KAZN: variants seen among roughly 807,000 people sequenced by gnomAD.
KAZN encodes the protein kazrin, periplakin interacting protein.
In KAZN, 40 loss-of-function variants were observed where a neutral mutation model predicts 87.4. The ratio of observed to expected loss-of-function variants is 0.46; its 90% CI spans 0.36 to 0.60. The LOEUF is 0.60. Ranked by LOEUF, KAZN falls within the 20% of genes least tolerant of loss-of-function variation. The pLI, the probability that KAZN is intolerant of heterozygous loss-of-function variation, is 0.00. For missense variants in KAZN, 898 were observed against 1,073.9 expected (o/e 0.84, Z 2.29); for synonymous variants, 466 against 458.3 (o/e 1.02, Z -0.22).
chr1:14,788,791 GGGAGGTCACTTGTACACGTA>G (rs911978451), intron 1 of KAZN, among the ~76,000 whole-genome samples: 1 of 152,010 alleles, frequency 6.6e-6, no homozygotes, highest in African/African-American at 2.4e-5. Flanking sequence ...TTGTACACGT[GGGAGGTCACTTGTACACGTA>G]GGAGGTCACC....
chr1:14,125,352 T>C (rs1644841707), intron 1 of KAZN, among the ~76,000 whole-genome samples: 1 of 152,190 alleles, frequency 6.6e-6, no homozygotes, highest in African/African-American at 2.4e-5. Flanking sequence ...GTCCATGTCC[T>C]AGCCAAACAT....
intron 8 of KAZN, among the ~76,000 whole-genome samples, chr1:15,074,544 A>T (rs1466848607): frequency 6.6e-6 from 1 of 152,154 alleles, no homozygotes; most frequent in Non-Finnish European, 1.5e-5. Context: ...AGAACAGGAA[A>T]TAGGAAAATG....
At chr1:14,405,454 G>A (rs1239397265) in intron 2 of KAZN, among the ~76,000 whole-genome samples, 3 of 152,136 alleles carry the variant, frequency 2.0e-5, no homozygotes, top group South Asian at 2.1e-4. Context: ...GTAGTTTTGC[G>A]TTGTGTTGGA....
At chr1:14,813,794 A>G (rs925862607) in intron 1 of KAZN, among the ~76,000 whole-genome samples, 2 of 152,216 alleles carry the variant, frequency 1.3e-5, no homozygotes, top group African/African-American at 4.8e-5. Flanking sequence ...CCATGGATAC[A>G]TGGAATGCTG....
chr1:14,019,328 C>A (rs2101241131), intron 1 of KAZN, among the ~76,000 whole-genome samples: 1 of 152,222 alleles, frequency 6.6e-6, no homozygotes. Flanking sequence ...TATATCAAGA[C>A]CCACTGGGAA....
At chr1:14,064,850 T>G (rs1018414375) in intron 1 of KAZN, among the ~76,000 whole-genome samples, 20 of 152,192 alleles carry the variant, frequency 1.3e-4, no homozygotes, top group African/African-American at 4.3e-4. Context: ...GAGGGGAACC[T>G]GCATATCCTG....
upstream of KAZN, among the ~76,000 whole-genome samples, chr1:14,597,717 T>C (rs1456984993): frequency 6.6e-6 from 1 of 152,172 alleles, no homozygotes; most frequent in African/African-American, 2.4e-5. Flanking sequence ...GCTGGAATGA[T>C]GGCGCCCTGT....
In KAZN at chr1:14,323,188, G is replaced by A. The variant is rs115862346; in HGVS notation, c.249+142596G>A. ...TTCAAGATGAGATTAGGGTGGGGACGCAAAACCTAACCATATCACCACACT... is the reference window on the plus strand; with the variant it reads ...TTCAAGATGAGATTAGGGTGGGGACACAAAACCTAACCATATCACCACACT... On this transcript the variant is annotated intron_variant, in intron 2 of 16. Coordinates refer to the KAZN transcript ENST00000636203. 6.6e-3 allele frequency among the ~76,000 whole-genome samples: 1,002 copies of A among 152,156 alleles called. 6 individuals carry two copies. The highest frequency in any genetic ancestry group is 0.023 in the African/African-American group (945 of 41,512).
chr1:14,448,173 C>T (rs761875123), intron 2 of KAZN, among the ~76,000 whole-genome samples: 2 of 152,196 alleles, frequency 1.3e-5, no homozygotes, highest in African/African-American at 2.4e-5. Flanking sequence ...AATCTTCATA[C>T]AACACTCCAT....
At chr1:14,443,786 C>T (rs60771480) in intron 2 of KAZN, among the ~76,000 whole-genome samples, 1,666 of 152,300 alleles carry the variant, frequency 0.011, 30 homozygotes, top group African/African-American at 0.036. Flanking sequence ...CTTCTGATTA[C>T]ATTCTGTGGT....
intron 2 of KAZN, among the ~76,000 whole-genome samples, chr1:14,577,179 C>T (rs1445063108): frequency 6.6e-6 from 1 of 152,168 alleles, no homozygotes; most frequent in African/African-American, 2.4e-5. Flanking sequence ...GAATAAAATT[C>T]TTCTGAGAGC....
At chr1:14,789,152 G>A (rs1357212753) in intron 1 of KAZN, among the ~76,000 whole-genome samples, 2 of 152,184 alleles carry the variant, frequency 1.3e-5, no homozygotes, top group African/African-American at 2.4e-5. Flanking sequence ...CTCCCAGGAG[G>A]GGGCCTACTC....
intron 2 of KAZN, among the ~76,000 whole-genome samples, chr1:14,373,974 AAACT>A (rs1660704252): frequency 1.3e-5 from 2 of 152,342 alleles, no homozygotes; most frequent in African/African-American, 4.8e-5. Flanking sequence ...CAGGGAGTGT[AAACT>A]AACATAAGCC....
At chr1:14,237,147 G>A (rs1174175191) in intron 2 of KAZN, among the ~76,000 whole-genome samples, 1 of 152,132 alleles carries the variant, frequency 6.6e-6, no homozygotes, top group Non-Finnish European at 1.5e-5. Flanking sequence ...TAAGGGAGGA[G>A]GAGTGGCGAG....
At chr1:14,118,866 T>C (rs968490798) in intron 1 of KAZN, among the ~76,000 whole-genome samples, 3 of 152,158 alleles carry the variant, frequency 2.0e-5, no homozygotes, top group African/African-American at 7.2e-5. Flanking sequence ...ACATCTGAGC[T>C]GTAATTTGAC....
intron 1 of KAZN, among the ~76,000 whole-genome samples, chr1:14,602,714 G>A (rs1263412101): frequency 6.6e-6 from 1 of 152,198 alleles, no homozygotes; most frequent in Non-Finnish European, 1.5e-5. Flanking sequence ...GCTTTGCTAT[G>A]CATAGAACAA....
intron 13 of KAZN, among the ~76,000 whole-genome samples, chr1:15,106,144 G>T (rs2100728389): frequency 6.6e-6 from 1 of 152,164 alleles, no homozygotes; most frequent in African/African-American, 2.4e-5. Flanking sequence ...CCCTGGAGGT[G>T]GTGGAGTGCA....
At chr1:14,121,145 G>T (rs1363101783) in intron 1 of KAZN, among the ~76,000 whole-genome samples, 1 of 152,156 alleles carries the variant, frequency 6.6e-6, no homozygotes, top group African/African-American at 2.4e-5. Context: ...ATTTGAGTTT[G>T]CTCACCCATG....
chr1:14,213,941 G>T (rs554728), intron 2 of KAZN, among the ~76,000 whole-genome samples: 71,142 of 152,008 alleles, frequency 0.47, 17,942 homozygotes, highest in Non-Finnish European at 0.57. Flanking sequence ...AGTGTGAAGA[G>T]CAAATGGGAT....
Sources: gnomAD v4.1 joint callset for allele counts (sites outside exome capture counted in the v4.1 genomes callset) on GRCh38, gnomAD v4.1.1 for gene constraint, MANE v1.5 for transcripts, NCBI Gene and HGNC (gene_info 2026-07-23, HGNC 2026-07-21) for gene names.